Variants in MBD5 observed in about 807,000 individuals in gnomAD.
MBD5 encodes methyl-CpG-binding domain protein 5.
A neutral mutation model predicts 117.3 loss-of-function variants in MBD5; 13 were observed. The ratio of observed to expected loss-of-function variants is 0.11; its 90% CI spans 0.07 to 0.18. MBD5 has a LOEUF of 0.18. Ranked by LOEUF, MBD5 falls within the 10% of genes least tolerant of loss-of-function variation. The pLI is 1.00. For synonymous variants in MBD5, 727 were observed against 766.4 expected (o/e 0.95, Z 0.85); for missense variants, 1,879 against 2,093.8 (o/e 0.90, Z 2.00).
intron 4 of MBD5, among the ~76,000 whole-genome samples, chr2:148,398,200 C>A (rs544639655): frequency 1.4e-4 from 22 of 152,278 alleles, no homozygotes; most frequent in African/African-American, 4.8e-4. Context: ...AATGGTATTT[C>A]TAGTTCTAGA....
chr2:148,076,405 C>T (rs1230676808), intron 1 of MBD5, among the ~76,000 whole-genome samples: 7 of 152,158 alleles, frequency 4.6e-5, no homozygotes, highest in Non-Finnish European at 1.0e-4. Flanking sequence ...TCTTGCTCTC[C>T]TTGCATGTCC....
At chr2:148,157,560 C>T (rs1697904974) in intron 1 of MBD5, among the ~76,000 whole-genome samples, 1 of 152,096 alleles carries the variant, frequency 6.6e-6, no homozygotes, top group South Asian at 2.1e-4. Context: ...AAAGCATCCG[C>T]CATAAAAACT....
chr2:148,021,490 C>CTGCTGCTGT lies in MBD5; in HGVS notation c.-1112_-1111insGTTGCTGCT, dbSNP rs1693725539. ...GCTGCTGCTGCTGCTGTTGCTGCTG[C>CTGCTGCTGT]TGCTGCTACTGCTGCTGCTGCTACT... On this transcript the variant is annotated 5_prime_UTR_variant, in exon 1 of 14. Coordinates refer to ENST00000642680, the MANE Select transcript of MBD5 (RefSeq NM_001378120.1). The CTGCTGCTGT allele has an allele frequency of 1.4e-5, 8 of 576,956 alleles. No homozygotes were observed. The Admixed American group carries it at 1.5e-4, about 11-fold the overall frequency. 35.7% of individuals were successfully genotyped at this position (576,956 alleles called of 1,614,324 possible).
intron 3 of MBD5, among the ~76,000 whole-genome samples, chr2:148,322,817 A>C (rs1014750942): frequency 2.0e-5 from 3 of 152,058 alleles, no homozygotes; most frequent in Admixed American, 1.3e-4. Context: ...GATGAAGTAG[A>C]TGCAAAAGTT....
At chr2:148,404,756 G>C (rs72618901) in intron 4 of MBD5, among the ~76,000 whole-genome samples, 36,186 of 151,968 alleles carry the variant, frequency 0.24, 4,857 homozygotes, top group African/African-American at 0.36. Context: ...TTTTATTTTT[G>C]GTTGTTTCAG....
At chr2:148,375,807 T>G (rs191056417) in intron 4 of MBD5, among the ~76,000 whole-genome samples, 1 of 152,136 alleles carries the variant, frequency 6.6e-6, no homozygotes, top group East Asian at 1.9e-4. Context: ...TTTGGGAAAT[T>G]TACCCCTATT....
At chr2:148,056,608 T>G (rs1279429689) in intron 1 of MBD5, among the ~76,000 whole-genome samples, 1 of 152,086 alleles carries the variant, frequency 6.6e-6, no homozygotes, top group African/African-American at 2.4e-5. Flanking sequence ...TGAATTATAT[T>G]TATATGATTT....
intron 2 of MBD5, among the ~76,000 whole-genome samples, chr2:148,210,369 A>C (rs551828789): frequency 1.3e-5 from 2 of 152,096 alleles, no homozygotes; most frequent in African/African-American, 4.8e-5. Context: ...GAATACCTCA[A>C]ACATACCTCA....
At chr2:148,178,882 T>C (rs1170178230) in intron 2 of MBD5, 89 bp downstream of exon 2, 10 of 394,000 alleles carry the variant, frequency 2.5e-5, no homozygotes, top group Non-Finnish European at 2.7e-5. Flanking sequence ...TTGTTTACTT[T>C]TTATCACTGC....
chr2:148,346,926 C>G (rs1316916302), intron 4 of MBD5: 1 of 151,720 alleles, frequency 6.6e-6, no homozygotes, highest in Non-Finnish European at 1.5e-5. Flanking sequence ...GAGGAGTTGA[C>G]AGGATAATAA....
chr2:148,083,687 G>A (rs536584256), intron 1 of MBD5, among the ~76,000 whole-genome samples: 7 of 151,778 alleles, frequency 4.6e-5, no homozygotes, highest in Non-Finnish European at 8.8e-5. Context: ...TAGTGCAGTC[G>A]CGCGATCTTG....
intron 1 of MBD5, among the ~76,000 whole-genome samples, chr2:148,076,213 G>C (rs1695506420): frequency 6.6e-6 from 1 of 151,986 alleles, no homozygotes; most frequent in South Asian, 2.1e-4. Context: ...CTTTTGCAGA[G>C]TGATAAAGAT....
At chr2:148,231,896 G>A (rs1699997086) in intron 2 of MBD5, among the ~76,000 whole-genome samples, 1 of 152,170 alleles carries the variant, frequency 6.6e-6, no homozygotes, top group Non-Finnish European at 1.5e-5. Flanking sequence ...TGGAAATGAA[G>A]CAGGTATGGA....
intron 4 of MBD5, among the ~76,000 whole-genome samples, chr2:148,343,872 A>C (rs181208557): frequency 1.2e-4 from 19 of 152,170 alleles, no homozygotes; most frequent in Non-Finnish European, 1.3e-4. Flanking sequence ...CTTAGTCATA[A>C]ATTCTTTCCT....
In MBD5 at chr2:148,274,717, G is replaced by GTT. The variant is rs199569391; in HGVS notation, c.-680+41328_-680+41329dup. Among the ~76,000 whole-genome samples the GTT allele has an allele frequency of 7.2e-4, 79 of 109,884 alleles. 2 individuals are homozygous for GTT. Among genetic ancestry groups the GTT allele is most frequent in the Non-Finnish European group, 8.6e-4 (43 of 49,934 alleles). 72.1% of individuals were successfully genotyped at this position (109,884 alleles called of 152,430 possible). ...CCTTTTACACTTAAAAATTAATTGA[G>GTT]TTTTTTTGTTTTTTTTTTTTTTGAG... On this transcript the variant is annotated intron_variant, in intron 3 of 13. Transcript: ENST00000642680.
intron 3 of MBD5, among the ~76,000 whole-genome samples, chr2:148,269,646 T>C (rs1266813071): frequency 6.7e-6 from 1 of 149,340 alleles, no homozygotes; most frequent in Non-Finnish European, 1.5e-5. Flanking sequence ...TATACAGATA[T>C]ATCTAATTGT....
intron 1 of MBD5, among the ~76,000 whole-genome samples, chr2:148,138,169 G>A (rs1392014768): frequency 6.6e-6 from 1 of 152,180 alleles, no homozygotes; most frequent in Non-Finnish European, 1.5e-5. Context: ...GCCTACTACT[G>A]TGTGAGAGAT....
chr2:148,420,553 C>T (rs1221418267), intron 4 of MBD5, among the ~76,000 whole-genome samples: 1 of 152,168 alleles, frequency 6.6e-6, no homozygotes, highest in African/African-American at 2.4e-5. Context: ...CTCTGCCTCA[C>T]CTCTGTGTAT....
At chr2:148,064,941 G>A (rs151266976) in intron 1 of MBD5, among the ~76,000 whole-genome samples, 143 of 152,126 alleles carry the variant, frequency 9.4e-4, no homozygotes, top group Non-Finnish European at 6.9e-4. Flanking sequence ...CTGAAATTAT[G>A]TATTACAGTC....
Sources: gnomAD v4.1 joint callset for allele counts (sites outside exome capture counted in the v4.1 genomes callset) on GRCh38, gnomAD v4.1.1 for gene constraint, MANE v1.5 for transcripts, NCBI Gene and HGNC (gene_info 2026-07-23, HGNC 2026-07-21) for gene names.